The following GALNT18 variants were observed in gnomAD, a reference collection of about 807,000 sequenced individuals.
The protein encoded by GALNT18 is polypeptide N-acetylgalactosaminyltransferase 18.
Under a neutral mutation model 69.5 loss-of-function variants are expected in GALNT18, and 44 were observed. The observed-to-expected ratio is 0.63, with a 90% confidence interval of 0.50 to 0.81. The LOEUF (loss-of-function observed/expected upper bound fraction) is 0.81, where lower values mean the gene tolerates loss of function less well. GALNT18 is among the 40% of genes least tolerant of loss of function. GALNT18 has a pLI of 0.00. For synonymous variants in GALNT18, 364 were observed against 318.2 expected (o/e 1.14, Z -1.53); for missense variants, 715 against 810.0 (o/e 0.88, Z 1.42).
chr11:11,303,472 A>G (rs908419482), intron 9 of GALNT18, among the ~76,000 whole-genome samples: 1 of 152,044 alleles, frequency 6.6e-6, no homozygotes, highest in Non-Finnish European at 1.5e-5. Flanking sequence ...ATCTGCTTCT[A>G]GAGAAACCTG....
At chr11:11,418,829 T>C (rs921032363) in intron 3 of GALNT18, among the ~76,000 whole-genome samples, 4 of 152,178 alleles carry the variant, frequency 2.6e-5, no homozygotes, top group Admixed American at 2.0e-4. Flanking sequence ...ATTAGGTGTG[T>C]GATGTTGGGA....
Position 11,543,024 on chromosome 11 carries a change from A to G in GALNT18, c.235+78335T>C, listed in dbSNP as rs1857962768. Among the ~76,000 whole-genome samples, 1 of 152,072 alleles carries G rather than the reference A, an allele frequency of 6.6e-6. No homozygotes were observed. The stretch of plus-strand genomic sequence containing the variant: ...AAGAGTGAATGATATGACCTTCCTC[A>G]AGGTTGTTTCAGGCACTAAATGCAC... On this transcript the variant is annotated intron_variant, in intron 1 of 10. Coordinates refer to ENST00000227756, the MANE Select transcript of GALNT18 (RefSeq NM_198516.3). This position sits in a 1 kb window ranked among gnomAD's most constrained non-coding sequence, Gnocchi z 5.1.
chr11:11,531,044 C>T (rs1012904034), intron 1 of GALNT18, among the ~76,000 whole-genome samples: 1 of 152,234 alleles, frequency 6.6e-6, no homozygotes, highest in Admixed American at 6.5e-5. Context: ...GGACAAGCCC[C>T]CTGCCTGCAA....
intron 6 of GALNT18, among the ~76,000 whole-genome samples, chr11:11,367,414 G>C (rs925899113): frequency 1.3e-5 from 2 of 152,184 alleles, no homozygotes; most frequent in African/African-American, 2.4e-5. Context: ...TTCAGAGAAG[G>C]AGTCAGTGAC....
chr11:11,420,228 C>A (rs11021845), intron 3 of GALNT18, among the ~76,000 whole-genome samples: 17,741 of 152,090 alleles, frequency 0.12, 1,721 homozygotes, highest in East Asian at 0.42. Flanking sequence ...CAGGGGAGCC[C>A]ATACCTGCTG....
chr11:11,359,878 G>A (rs1850606144), intron 6 of GALNT18, among the ~76,000 whole-genome samples: 1 of 152,058 alleles, frequency 6.6e-6, no homozygotes, highest in South Asian at 2.1e-4. Context: ...GGGTAAGGAG[G>A]GAGTTATTTA....
chr11:11,581,170 G>A (rs1173767269), intron 1 of GALNT18, among the ~76,000 whole-genome samples: 1 of 152,242 alleles, frequency 6.6e-6, no homozygotes, highest in Non-Finnish European at 1.5e-5. Context: ...AGTGCCCTGA[G>A]GCCTGAGGTG....
chr11:11,359,640 T>C (rs1018661952), intron 6 of GALNT18, among the ~76,000 whole-genome samples: 6 of 152,202 alleles, frequency 3.9e-5, no homozygotes, highest in Non-Finnish European at 7.3e-5. Flanking sequence ...TGTAGTATCA[T>C]CTGATTTAGG....
rs1016470422 is a variant in GALNT18 at position 11,337,201 on chromosome 11, A to T, written c.1278+3618T>A. Among the ~76,000 whole-genome samples, 4 of 152,194 alleles carry T rather than the reference A, an allele frequency of 2.6e-5. No individual in the cohort carries two copies. The highest frequency in any genetic ancestry group is 9.7e-5 in the African/African-American group (4 of 41,446). ...CGATTCTGATGCAGTTGGTCTGAAG[A>T]TCTGCTTTTAGGAGTCACTAACCAA... On this transcript the variant is annotated intron_variant, in intron 7 of 10. Coordinates refer to ENST00000227756, the MANE Select transcript of GALNT18 (RefSeq NM_198516.3). This position sits in a 1 kb window ranked among gnomAD's most constrained non-coding sequence, Gnocchi z 4.9.
At chr11:11,549,725 C>A (rs546429272) in intron 1 of GALNT18, among the ~76,000 whole-genome samples, 287 of 152,344 alleles carry the variant, frequency 1.9e-3, no homozygotes, top group African/African-American at 6.5e-3. Flanking sequence ...CTTCTTTGAA[C>A]TGTTCTAGCT....
rs147132597 is a variant in GALNT18, at chr11:11,389,182, G to T, written c.596-9918C>A. 9.2e-5 allele frequency among the ~76,000 whole-genome samples: 14 copies of T among 152,318 alleles called. No individual in the cohort carries two copies. In the East Asian group the frequency reaches 2.5e-3, roughly 27 times the overall value. On this transcript the variant is annotated intron_variant, in intron 3 of 10. Coordinates refer to ENST00000227756, the MANE Select transcript of GALNT18 (RefSeq NM_198516.3). This position sits in a 1 kb window ranked among gnomAD's most constrained non-coding sequence, Gnocchi z 4.3. ...GAACATATTCCAAGTAACACAGAAG[G>T]TAAGGAAGGAGCAGGATTCGAACTC... is the stretch of plus-strand genomic sequence containing the variant.
intron 1 of GALNT18, among the ~76,000 whole-genome samples, chr11:11,487,929 G>A (rs114639332): frequency 6.6e-6 from 1 of 152,156 alleles, no homozygotes; most frequent in Non-Finnish European, 1.5e-5. Context: ...AGTGAATAAG[G>A]TGATGAAAAT....
chr11:11,333,981 C>T (rs1431649652), intron 7 of GALNT18, among the ~76,000 whole-genome samples: 2 of 152,020 alleles, frequency 1.3e-5, no homozygotes, highest in African/African-American at 2.4e-5. Flanking sequence ...GGGATGAAGG[C>T]CAGCAAGCAG....
rs529451676 is a variant in GALNT18, at chr11:11,364,553, G to C, written c.1092+7962C>G. 2.6e-4 allele frequency among the ~76,000 whole-genome samples: 37 copies of C among 141,420 alleles called. 1 individual carries two copies. In the South Asian group the frequency reaches 4.0e-3, roughly 15 times the overall value. 92.8% of individuals were successfully genotyped at this position (141,420 alleles called of 152,430 possible). A position where few individuals can be genotyped will look rare whatever the true frequency, so the allele number is the denominator to read the frequency against. ...TCTCTTCAAAAACGAAATTACAAGA[G>C]GGGGGGAAAAAGAGATGGAGAAAGA... On this transcript the variant is annotated intron_variant, in intron 6 of 10. Coordinates refer to ENST00000227756, the MANE Select transcript of GALNT18 (RefSeq NM_198516.3).
At chr11:11,517,954 G>A (rs963438177) in intron 1 of GALNT18, among the ~76,000 whole-genome samples, 1 of 152,236 alleles carries the variant, frequency 6.6e-6, no homozygotes, top group African/African-American at 2.4e-5. Flanking sequence ...TGCATTGTAA[G>A]TCATCCTGGG....
chr11:11,295,192 C>G (rs534609040), intron 9 of GALNT18, among the ~76,000 whole-genome samples: 2 of 152,154 alleles, frequency 1.3e-5, no homozygotes, highest in African/African-American at 2.4e-5. Flanking sequence ...TCTTTAGGCT[C>G]TTGGGAGGGG....
chr11:11,403,431 T>C (rs1282224038), intron 3 of GALNT18, among the ~76,000 whole-genome samples: 2 of 152,220 alleles, frequency 1.3e-5, no homozygotes, highest in African/African-American at 2.4e-5. Flanking sequence ...CCAGGGGAAC[T>C]CTGCTACCAG....
Position 11,309,950 on chromosome 11 carries a change from T to C in GALNT18, c.1513-16757A>G, listed in dbSNP as rs369538017. On this transcript the variant is annotated intron_variant, in intron 9 of 10. Transcript: ENST00000227756. This position sits in a 1 kb window ranked among gnomAD's most constrained non-coding sequence, Gnocchi z 4.6. Reference sequence around the variant, plus strand: ...CCCCTTAAATAGATCTCTCTACTTATTTCTTCCCTTCAGTCTCAAAACATG... The same window carrying C: ...CCCCTTAAATAGATCTCTCTACTTACTTCTTCCCTTCAGTCTCAAAACATG... Among the ~76,000 whole-genome samples the C allele has an allele frequency of 6.6e-6, 1 of 152,136 alleles. No individual in the cohort carries two copies. Among genetic ancestry groups the C allele is most frequent in the East Asian group, 1.9e-4 (1 of 5,184 alleles).
At chr11:11,504,949 C>G (rs1047862582) in intron 1 of GALNT18, among the ~76,000 whole-genome samples, 4 of 152,242 alleles carry the variant, frequency 2.6e-5, no homozygotes, top group Non-Finnish European at 4.4e-5. Flanking sequence ...GGGGAGGCAC[C>G]CTTGCTGCTC....
Sources: gnomAD v4.1 joint callset for allele counts (sites outside exome capture counted in the v4.1 genomes callset) on GRCh38, gnomAD v4.1.1 for gene constraint, Gnocchi (gnomAD v3.1) non-coding constraint, MANE v1.5 for transcripts, NCBI Gene and HGNC (gene_info 2026-07-23, HGNC 2026-07-21) for gene names.